The following LRRTM4 variants were observed in gnomAD, a reference collection of about 807,000 sequenced individuals.
The protein encoded by LRRTM4 is leucine-rich repeat transmembrane neuronal protein 4.
A neutral mutation model predicts 47.6 loss-of-function variants in LRRTM4; 25 were observed. The observed-to-expected ratio is 0.53, with a 90% CI of 0.38 to 0.73. LRRTM4 has a LOEUF of 0.73. Among genes scored for constraint, LRRTM4 ranks in the 30% least tolerant of loss-of-function variants. The pLI, the probability that LRRTM4 is intolerant of heterozygous loss-of-function variation, is 0.00. For missense variants in LRRTM4, 638 were observed against 713.4 expected (o/e 0.89, Z 1.20); for synonymous variants, 311 against 269.5 (o/e 1.15, Z -1.51).
chr2:77,275,278 T>C (rs1676313553), intron 3 of LRRTM4, among the ~76,000 whole-genome samples: 1 of 152,142 alleles, frequency 6.6e-6, no homozygotes, highest in Non-Finnish European at 1.5e-5. Flanking sequence ...TAAGCTAGAG[T>C]ATAAAATCCT....
chr2:77,388,161 T>TAA (rs932431264), intron 3 of LRRTM4, among the ~76,000 whole-genome samples: 1 of 147,304 alleles, frequency 6.8e-6, no homozygotes. Context: ...CTTCAATCTT[T>TAA]AAAAAAAAAA....
At chr2:77,174,153 G>A (rs564125868) in intron 3 of LRRTM4, among the ~76,000 whole-genome samples, 9 of 152,062 alleles carry the variant, frequency 5.9e-5, no homozygotes, top group African/African-American at 9.6e-5. Context: ...AATCCTGCCC[G>A]TGCACTCCTC....
intron 3 of LRRTM4, among the ~76,000 whole-genome samples, chr2:76,890,064 G>A (rs944648438): frequency 6.6e-5 from 10 of 151,926 alleles, no homozygotes; most frequent in African/African-American, 2.4e-4. Context: ...TCCCATCCAA[G>A]ATCAATGAAA....
Position 76,971,332 on chromosome 2 carries a change from C to G in LRRTM4, c.1552-222416G>C, listed in dbSNP as rs77363693. 1.9e-3 allele frequency among the ~76,000 whole-genome samples: 292 copies of G among 152,136 alleles called. 3 individuals carry two copies. Among genetic ancestry groups the G allele is most frequent in the African/African-American group, 6.5e-3 (270 of 41,536 alleles). ...CCTCTGACAAGCTCCCCAGGCAATT[C>G]TGATGTACACTGAAGTTTGACAACC... On this transcript the variant is annotated intron_variant, in intron 3 of 3. Coordinates refer to ENST00000409884, the MANE Select transcript of LRRTM4 (RefSeq NM_001134745.3).
chr2:77,413,221 C>G (rs763875851), intron 3 of LRRTM4, among the ~76,000 whole-genome samples: 8 of 152,112 alleles, frequency 5.3e-5, no homozygotes, highest in Non-Finnish European at 7.4e-5. Context: ...ATGGCTTGAA[C>G]TAAAACGAAA....
At chr2:77,331,901 A>T (rs1327809512) in intron 3 of LRRTM4, among the ~76,000 whole-genome samples, 1 of 152,204 alleles carries the variant, frequency 6.6e-6, no homozygotes, top group East Asian at 1.9e-4. Context: ...AAAAAAGTGG[A>T]TTTACACAAT....
chr2:77,296,622 T>C (rs1676981191), intron 3 of LRRTM4, among the ~76,000 whole-genome samples: 2 of 152,182 alleles, frequency 1.3e-5, no homozygotes, highest in African/African-American at 4.8e-5. Flanking sequence ...TTGGGACAAG[T>C]AAACAAGGTA....
chr2:76,917,175 G>T (rs977430939), intron 3 of LRRTM4, among the ~76,000 whole-genome samples: 4 of 152,132 alleles, frequency 2.6e-5, no homozygotes, highest in Non-Finnish European at 4.4e-5. Flanking sequence ...CATGAAAGTG[G>T]TCATAAATGA....
chr2:76,770,243 T>G lies in LRRTM4; in HGVS notation c.1552-21327A>C, dbSNP rs182799533. Among the ~76,000 whole-genome samples the G allele has an allele frequency of 3.8e-4, 58 of 152,334 alleles. No individual in the cohort carries two copies. The South Asian group carries it at 0.011, about 30-fold the overall frequency. On this transcript the variant is annotated intron_variant, in intron 3 of 3. Transcript: ENST00000409884. The stretch of plus-strand genomic sequence containing the variant: ...GTGAAATAGATCATGGTTGCTATAT[T>G]TTCTGCAATGTCATAAATCCTTGTC...
At chr2:76,872,646 G>A (rs756486858) in intron 3 of LRRTM4, among the ~76,000 whole-genome samples, 5 of 152,062 alleles carry the variant, frequency 3.3e-5, no homozygotes, top group African/African-American at 4.8e-5. Context: ...CTTCCTGAGG[G>A]CGTGTATGAT....
At chr2:77,331,885 CT>C (rs1670984037) in intron 3 of LRRTM4, among the ~76,000 whole-genome samples, 1 of 151,784 alleles carries the variant, frequency 6.6e-6, no homozygotes, top group South Asian at 2.1e-4. Flanking sequence ...GGATAGTTCC[CT>C]AAAGAAAAAA....
intron 3 of LRRTM4, among the ~76,000 whole-genome samples, chr2:76,922,839 G>A (rs1227081804): frequency 6.6e-6 from 1 of 152,040 alleles, no homozygotes; most frequent in Non-Finnish European, 1.5e-5. Flanking sequence ...GAAGCCAGCA[G>A]GAAAACAAAG....
At chr2:77,292,445 C>G (rs868279945) in intron 3 of LRRTM4, among the ~76,000 whole-genome samples, 8 of 151,956 alleles carry the variant, frequency 5.3e-5, no homozygotes, top group African/African-American at 7.2e-5. Flanking sequence ...TTGGAACCAA[C>G]CCAAATGTCC....
intron 3 of LRRTM4, among the ~76,000 whole-genome samples, chr2:77,356,751 C>A (rs746488206): frequency 2.6e-5 from 4 of 152,124 alleles, no homozygotes; most frequent in Non-Finnish European, 5.9e-5. Context: ...AACCTGAAAT[C>A]CAGTCCAAAC....
At chr2:77,367,120 T>C (rs1204226328) in intron 3 of LRRTM4, among the ~76,000 whole-genome samples, 2 of 151,794 alleles carry the variant, frequency 1.3e-5, no homozygotes, top group Non-Finnish European at 2.9e-5. Flanking sequence ...AATGTATTGA[T>C]TTCTCGGCTT....
chr2:77,398,122 A>G (rs920492312), intron 3 of LRRTM4, among the ~76,000 whole-genome samples: 7 of 151,856 alleles, frequency 4.6e-5, no homozygotes, highest in East Asian at 1.9e-4. Flanking sequence ...CTCTCTCTGT[A>G]TAATTATTCC....
At chr2:77,143,801 A>G (rs915469596) in intron 3 of LRRTM4, among the ~76,000 whole-genome samples, 8 of 152,162 alleles carry the variant, frequency 5.3e-5, no homozygotes, top group African/African-American at 1.4e-4. Context: ...GCCAACTGTA[A>G]GATTATATCT....
chr2:77,503,597 T>G (rs1678654799), intron 3 of LRRTM4, among the ~76,000 whole-genome samples: 1 of 151,488 alleles, frequency 6.6e-6, no homozygotes, highest in African/African-American at 2.4e-5. Context: ...TAGTGTATTC[T>G]GTGTGTGTAA....
intron 3 of LRRTM4, among the ~76,000 whole-genome samples, chr2:77,002,987 G>T (rs759819809): frequency 7.0e-6 from 1 of 142,754 alleles, no homozygotes; most frequent in Admixed American, 6.7e-5. Context: ...GAACTTATTT[G>T]TCTTGTCAAC....
Sources: gnomAD v4.1 joint callset for allele counts (sites outside exome capture counted in the v4.1 genomes callset) on GRCh38, gnomAD v4.1.1 for gene constraint, MANE v1.5 for transcripts, NCBI Gene and HGNC (gene_info 2026-07-23, HGNC 2026-07-21) for gene names.